The following SHB variants were observed in gnomAD, a reference collection of about 807,000 sequenced individuals.
SHB encodes the protein SH2 domain containing adaptor protein B, also known as SH2 domain-containing adapter protein B.
In SHB, 20 loss-of-function variants were observed where a neutral mutation model predicts 52.3. The observed-to-expected ratio is 0.38, with a 90% CI of 0.27 to 0.56. SHB has a LOEUF of 0.56. Among genes scored for constraint, SHB ranks in the 20% least tolerant of loss-of-function variants. SHB has a pLI of 0.71. For synonymous variants in SHB, 397 were observed against 316.5 expected (o/e 1.25, Z -2.70); for missense variants, 825 against 723.3 (o/e 1.14, Z -1.61).
intron 5 of SHB, among the ~76,000 whole-genome samples, chr9:37,934,417 C>T (rs1471302337): frequency 1.3e-5 from 2 of 152,164 alleles, no homozygotes; most frequent in Non-Finnish European, 2.9e-5. Context: ...CCTGCCTCAG[C>T]CTCCTGAGTA....
In SHB at chr9:37,967,155, C is replaced by A. The variant is rs544372882; in HGVS notation, c.1054+7467G>T. ...AGTGACGACAATGAAGTGAACCCTACCTTGCAAGGCTCTGTAGGGTTAACC... is the reference window on the plus strand; with the variant it reads ...AGTGACGACAATGAAGTGAACCCTAACTTGCAAGGCTCTGTAGGGTTAACC... On this transcript the variant is annotated intron_variant, in intron 3 of 5. Transcript: ENST00000377707. Among the ~76,000 whole-genome samples, 4 of 152,274 alleles carry A rather than the reference C, an allele frequency of 2.6e-5. No individual in the cohort carries two copies. The East Asian group carries it at 7.7e-4, about 29-fold the overall frequency.
chr9:38,034,185 C>T (rs1341910365), intron 1 of SHB, among the ~76,000 whole-genome samples: 1 of 152,172 alleles, frequency 6.6e-6, no homozygotes, highest in Non-Finnish European at 1.5e-5. Context: ...TAACGCCCCT[C>T]ATAAAACCAA....
rs1326667716 is a variant in SHB at position 37,918,782 on chromosome 9, G to C, written c.*1039C>G. Among the ~76,000 whole-genome samples the C allele has an allele frequency of 6.6e-6, 1 of 152,236 alleles. No homozygotes were observed. The highest frequency in any genetic ancestry group is 2.4e-5 in the African/African-American group (1 of 41,464). ...GAGAGAGCCCTTTGTAGCCAGCTGG[G>C]TGCTGTGTCCAGGGGTTGGGGGGGT... On this transcript the variant is annotated 3_prime_UTR_variant, in exon 6 of 6. Transcript: ENST00000377707.
At chr9:37,926,652 G>A (rs1294806138) in intron 5 of SHB, among the ~76,000 whole-genome samples, 3 of 152,246 alleles carry the variant, frequency 2.0e-5, no homozygotes, top group African/African-American at 7.2e-5. Flanking sequence ...CTCCCTCAAT[G>A]TGTGGTAGAT....
intron 2 of SHB, among the ~76,000 whole-genome samples, chr9:37,989,672 C>G (rs1820857943): frequency 6.6e-6 from 1 of 152,204 alleles, no homozygotes; most frequent in Non-Finnish European, 1.5e-5. Flanking sequence ...GCGGTCGGCA[C>G]AGTTACTATG....
chr9:38,067,180 A>G (rs1262394181), intron 1 of SHB, among the ~76,000 whole-genome samples: 1 of 152,016 alleles, frequency 6.6e-6, no homozygotes, highest in Non-Finnish European at 1.5e-5. Context: ...CTTATGGGGT[A>G]GGGGTGAGGT....
At position 38,066,548 on chromosome 9, in the gene SHB, T is replaced by C. The variant is rs112060075; in HGVS notation, c.717+1381A>G. On this transcript the variant is annotated intron_variant, in intron 1 of 5. Coordinates refer to ENST00000377707, the MANE Select transcript of SHB (RefSeq NM_003028.3). ...AGGTAGCCACCTGGCTCCCAGCTAG[T>C]CGTCATCTAGGTGTGGCATCCTAGG... 5.8e-4 allele frequency among the ~76,000 whole-genome samples: 88 copies of C among 152,256 alleles called. 2 individuals carry two copies. Among genetic ancestry groups the C allele is most frequent in the African/African-American group, 2.0e-3 (81 of 41,530 alleles).
intron 2 of SHB, among the ~76,000 whole-genome samples, chr9:38,005,148 G>A (rs534422929): frequency 1.3e-5 from 2 of 152,322 alleles, no homozygotes; most frequent in East Asian, 3.9e-4. Flanking sequence ...TGAGGGCTGT[G>A]ACGGCATATG....
intron 1 of SHB, among the ~76,000 whole-genome samples, chr9:38,019,925 G>C (rs1821261926): frequency 6.6e-6 from 1 of 152,184 alleles, no homozygotes; most frequent in South Asian, 2.1e-4. Flanking sequence ...TGCTCTGTGT[G>C]AGCTGGCACA....
At chr9:38,023,760 T>A (rs1052532704) in intron 1 of SHB, among the ~76,000 whole-genome samples, 13 of 152,306 alleles carry the variant, frequency 8.5e-5, no homozygotes, top group African/African-American at 3.1e-4. Context: ...CTTCCGCCTG[T>A]GTGCTGGGAG....
At chr9:37,930,910 A>C (rs1378385929) in intron 5 of SHB, among the ~76,000 whole-genome samples, 1 of 152,240 alleles carries the variant, frequency 6.6e-6, no homozygotes, top group Non-Finnish European at 1.5e-5. Flanking sequence ...CTGGCATACA[A>C]ACAGACACAT....
At chr9:38,049,090 G>A (rs115383560) in intron 1 of SHB, among the ~76,000 whole-genome samples, 1,782 of 152,204 alleles carry the variant, frequency 0.012, 32 homozygotes, top group African/African-American at 0.041. Flanking sequence ...GCGCCATCTC[G>A]GCTCACTGCA....
intron 3 of SHB, among the ~76,000 whole-genome samples, chr9:37,967,717 C>T (rs1407672217): frequency 6.6e-6 from 1 of 152,262 alleles, no homozygotes; most frequent in Non-Finnish European, 1.5e-5. Context: ...CCGGATCTAC[C>T]GAATCAGGAA....
intron 1 of SHB, among the ~76,000 whole-genome samples, chr9:38,017,445 T>C (rs1216385421): frequency 1.3e-5 from 2 of 152,194 alleles, no homozygotes; most frequent in Non-Finnish European, 2.9e-5. Flanking sequence ...GCCTGGTAAA[T>C]GGCAGCTTGT....
At position 37,917,195 on chromosome 9, in the gene SHB, G is replaced by T. The variant is rs900086095; in HGVS notation, c.*2626C>A. Among the ~76,000 whole-genome samples, 1 of 152,206 alleles carries T rather than the reference G, an allele frequency of 6.6e-6. No homozygotes were observed. Among genetic ancestry groups the T allele is most frequent in the Admixed American group, 6.5e-5 (1 of 15,288 alleles). On this transcript the variant is annotated 3_prime_UTR_variant, in exon 6 of 6. Coordinates refer to ENST00000377707, the MANE Select transcript of SHB (RefSeq NM_003028.3). ...AACGGTCACAATTAGAGGAAGAAGA[G>T]GGAGAGGTTCATAAAATTAAGGGAA...
At chr9:38,044,773 T>C (rs1821628064) in intron 1 of SHB, among the ~76,000 whole-genome samples, 1 of 152,220 alleles carries the variant, frequency 6.6e-6, no homozygotes, top group Non-Finnish European at 1.5e-5. Context: ...GGCTCTTCAA[T>C]CAACCTCTCT....
At chr9:38,020,489 C>T (rs762573410) in intron 1 of SHB, among the ~76,000 whole-genome samples, 9 of 152,216 alleles carry the variant, frequency 5.9e-5, no homozygotes, top group Non-Finnish European at 1.0e-4. Flanking sequence ...CAGCCCTGTT[C>T]GTTGAAGTGA....
At position 38,068,489 on chromosome 9, in the gene SHB, C is replaced by G. The variant is rs1822007394; in HGVS notation, c.157G>C (p.Ala53Pro). 6.7e-7 allele frequency: 1 copy of G among 1,500,270 alleles called. No homozygotes were observed. The highest frequency in any genetic ancestry group is 1.5e-5 in the African/African-American group (1 of 68,946). The allele number at this position is 1,500,270 out of a possible 1,614,324, so 92.9% of individuals were successfully genotyped here. A position where few individuals can be genotyped will look rare whatever the true frequency, so the allele number is the denominator to read the frequency against. ...GAGGCGGTGGCCGGACCGCAGGACG[C>G]CGAGGCGGCGGAGGAGGCCTGCGGC... is the stretch of plus-strand genomic sequence containing the variant. ...AVPQASSAAS[A>P]SCGPATASCF... Residue 53 changes from alanine (A) to proline (P), a missense_variant, in exon 1 of 6, where the codon GCG becomes CCG. Ala to Pro is a conservative substitution (Grantham distance 27). Transcript: ENST00000377707.
chr9:37,945,879 G>T (rs1406240964), intron 5 of SHB, among the ~76,000 whole-genome samples: 1 of 152,222 alleles, frequency 6.6e-6, no homozygotes, highest in East Asian at 1.9e-4. Context: ...CTGGACAGAT[G>T]TAGGGGAAGA....
Sources: gnomAD v4.1 joint callset for allele counts (sites outside exome capture counted in the v4.1 genomes callset) on GRCh38, gnomAD v4.1.1 for gene constraint, MANE v1.5 for transcripts, NCBI Gene and HGNC (gene_info 2026-07-23, HGNC 2026-07-21) for gene names.